The following ASAP3 variants were observed in gnomAD, a reference collection of about 807,000 sequenced individuals.
The protein encoded by ASAP3 is arf-GAP with SH3 domain, ANK repeat and PH domain-containing protein 3.
ASAP3 carries 85 observed loss-of-function variants against 118.2 expected under a neutral mutation model. The ratio of observed to expected loss-of-function variants is 0.72; its 90% CI spans 0.60 to 0.86. ASAP3 has a LOEUF of 0.86. ASAP3 is among the 40% of genes least tolerant of loss of function. ASAP3 has a pLI of 0.00. For synonymous variants in ASAP3, 432 were observed against 477.4 expected, an observed-to-expected ratio of 0.90 and a Z score of 1.24; for missense variants, 1,026 against 1,175.0, an observed-to-expected ratio of 0.87 and a Z score of 1.85.
At position 23,436,609 on chromosome 1, in the gene ASAP3, C is replaced by T; in HGVS notation, c.1522G>A (p.Ala508Thr). The change falls in exon 16 of 25, where the codon GCC (alanine) becomes ACC (threonine). Residue 508 changes from alanine to threonine, a missense_variant. Coordinates refer to ENST00000336689, the MANE Select transcript of ASAP3 (RefSeq NM_017707.4). This position sits in a 1 kb window ranked among gnomAD's most constrained non-coding sequence, Gnocchi z 4.2. ...GNTSFNEVMEAQLPSHGGPKP... is the reference protein window; with the variant it reads ...GNTSFNEVMETQLPSHGGPKP... ...GGGCCGCCGTGTGAGGGTAGCTGGG[C>T]CTCCATGACCTCATTGAAGCTCGTG... is the stretch of plus-strand genomic sequence containing the variant. 1.2e-6 allele frequency: 2 copies of T among 1,614,218 alleles called. No individual in the cohort carries two copies. Among genetic ancestry groups the T allele is most frequent in the South Asian group, 1.1e-5 (1 of 91,092 alleles).
At chr1:23,430,040 A>G (rs1034818791) in intron 24 of ASAP3, 110 bp from the exon 25 acceptor site, 1 of 941,076 alleles carries the variant, frequency 1.1e-6, no homozygotes, top group South Asian at 1.7e-5. Flanking sequence ...AATTATTCTC[A>G]TTTTACAGAC....
chr1:23,452,960 C>CG (rs746260648), intron 3 of ASAP3, among the ~76,000 whole-genome samples, 189 bp from the exon 4 acceptor site: 240 of 150,526 alleles, frequency 1.6e-3, no homozygotes, highest in African/African-American at 4.6e-3. Flanking sequence ...GCTGAGCCTG[C>CG]GGGGGGGGAC....
At chr1:23,444,408 G>C (rs892278090) in intron 5 of ASAP3, among the ~76,000 whole-genome samples, 1 of 152,246 alleles carries the variant, frequency 6.6e-6, no homozygotes, top group Non-Finnish European at 1.5e-5. Context: ...GAAAGGGCTT[G>C]CTTAATAGTT....
chr1:23,471,233 G>A (rs1010145795), intron 1 of ASAP3, among the ~76,000 whole-genome samples: 14 of 152,234 alleles, frequency 9.2e-5, no homozygotes, highest in African/African-American at 3.4e-4. Flanking sequence ...TGCCTGGAGG[G>A]CCCTTGCCCC....
chr1:23,461,524 T>C (rs755397905), intron 1 of ASAP3, among the ~76,000 whole-genome samples: 24 of 151,810 alleles, frequency 1.6e-4, no homozygotes, highest in Non-Finnish European at 3.4e-4. Context: ...AAACCAGGCA[T>C]GGGGCATGGG....
intron 1 of ASAP3, among the ~76,000 whole-genome samples, chr1:23,472,959 G>C (rs1199045639): frequency 1.3e-5 from 2 of 152,158 alleles, no homozygotes; most frequent in Non-Finnish European, 2.9e-5. Flanking sequence ...AAGTCTGTCT[G>C]ACTTTAGTTA....
chr1:23,483,334 G>T (rs1642372129), intron 1 of ASAP3, among the ~76,000 whole-genome samples: 1 of 152,246 alleles, frequency 6.6e-6, no homozygotes, highest in African/African-American at 2.4e-5. Context: ...AGCTGCAGCA[G>T]GTTCAGAGAA....
rs199778394 is a variant in ASAP3, at chr1:23,455,986, T to G, written c.243A>C (p.Glu81Asp). 3.7e-6 allele frequency: 6 copies of G among 1,614,048 alleles called. No individual in the cohort carries two copies. The East Asian group carries it at 1.3e-4, about 36-fold the overall frequency. ...GGGACAGGTGGCTGTTGCCTAAGGA[T>G]TCCACGGCCTCTCGGTACTGCTCTT... ...ENEEQYREAVESLGNSHLSQN... is the reference protein window; with the variant it reads ...ENEEQYREAVDSLGNSHLSQN... The change falls in exon 3 of 25, where the codon GAA becomes GAC. Residue 81 changes from glutamate (E) to aspartate (D), a missense_variant. Coordinates refer to ENST00000336689, the MANE Select transcript of ASAP3 (RefSeq NM_017707.4).
intron 20 of ASAP3, 32 bp from the exon 21 acceptor site, chr1:23,433,564 G>A (rs1448367831): frequency 1.9e-6 from 3 of 1,614,212 alleles, no homozygotes; most frequent in Middle Eastern, 1.6e-4. Flanking sequence ...TGGTTCAGAG[G>A]GTTGGGGGCT....
chr1:23,432,911 C>T (rs951377186), intron 22 of ASAP3, among the ~76,000 whole-genome samples, 166 bp downstream of exon 22: 5 of 152,200 alleles, frequency 3.3e-5, no homozygotes, highest in Admixed American at 2.0e-4. Context: ...AAACATGTGA[C>T]TTAACACCTC....
intron 20 of ASAP3, 33 bp from the exon 21 acceptor site, chr1:23,433,565 G>A: frequency 6.2e-7 from 1 of 1,614,222 alleles, no homozygotes; most frequent in Non-Finnish European, 8.5e-7. Flanking sequence ...GGTTCAGAGG[G>A]TTGGGGGCTC....
chr1:23,470,549 T>C (rs1030650542), intron 1 of ASAP3, among the ~76,000 whole-genome samples: 6 of 152,200 alleles, frequency 3.9e-5, no homozygotes, highest in African/African-American at 1.4e-4. Context: ...GCCAGTCTCC[T>C]TCCCACCCTG....
rs900895887 is a variant in ASAP3 at position 23,429,668 on chromosome 1, C to T, written c.*188G>A. On this transcript the variant is annotated 3_prime_UTR_variant, in exon 25 of 25. Coordinates refer to ENST00000336689, the MANE Select transcript of ASAP3 (RefSeq NM_017707.4). ...AGGAAAGAACCGCCATCAGTCCTAA[C>T]AGGGAAAGGCCATGTGTCCTTGGTA... 19 of 563,738 alleles carry T rather than the reference C, an allele frequency of 3.4e-5. 1 individual carries two copies. The highest frequency in any genetic ancestry group is 3.3e-4 in the African/African-American group (17 of 52,292). The allele number at this position is 563,738 out of a possible 1,614,324, so 34.9% of individuals were successfully genotyped here.
intron 1 of ASAP3, among the ~76,000 whole-genome samples, chr1:23,479,311 C>T (rs549366239): frequency 3.0e-4 from 45 of 152,254 alleles, no homozygotes; most frequent in Admixed American, 1.4e-3. Context: ...AATGACGAAG[C>T]AGCTGCCTTA....
chr1:23,447,519 G>A (rs926056092), intron 5 of ASAP3, among the ~76,000 whole-genome samples: 7 of 152,110 alleles, frequency 4.6e-5, no homozygotes, highest in African/African-American at 1.7e-4. Flanking sequence ...TGGGGGTCTC[G>A]GAACGTATCC....
chr1:23,453,751 T>C (rs942092520), intron 3 of ASAP3, among the ~76,000 whole-genome samples: 1 of 152,124 alleles, frequency 6.6e-6, no homozygotes, highest in Admixed American at 6.5e-5. Context: ...TCTCCCCTTT[T>C]CTGAACCATG....
rs145671366 is a variant in ASAP3 at position 23,466,399 on chromosome 1, A to G, written c.130-10205T>C. Among the ~76,000 whole-genome samples the G allele has an allele frequency of 2.0e-5, 3 of 152,356 alleles. No homozygotes were observed. In the East Asian group the frequency reaches 5.8e-4, roughly 29 times the overall value. ...AGGTGGCTGAAACACATCTTAGTGTAAGAGACACGTCTGAGCTTGGAAAGC... is the reference window on the plus strand; with the variant it reads ...AGGTGGCTGAAACACATCTTAGTGTGAGAGACACGTCTGAGCTTGGAAAGC... On this transcript the variant is annotated intron_variant, in intron 1 of 24. Transcript: ENST00000336689.
At chr1:23,432,622 C>T (rs1479949676) in intron 22 of ASAP3, among the ~76,000 whole-genome samples, 7 of 152,218 alleles carry the variant, frequency 4.6e-5, no homozygotes, top group Non-Finnish European at 8.8e-5. Flanking sequence ...CCAGGCTCTG[C>T]GCTAGGCACT....
intron 3 of ASAP3, among the ~76,000 whole-genome samples, chr1:23,454,283 T>C (rs1641315258): frequency 6.6e-6 from 1 of 151,130 alleles, no homozygotes; most frequent in South Asian, 2.1e-4. Flanking sequence ...GCCTCCCGGG[T>C]TCAAGTGATT....
Sources: allele counts gnomAD v4.1 joint callset (sites outside exome capture counted in the v4.1 genomes callset), GRCh38; gene constraint gnomAD v4.1.1; non-coding constraint Gnocchi (gnomAD v3.1); transcripts MANE v1.5; gene names NCBI Gene and HGNC (gene_info 2026-07-23, HGNC 2026-07-21).